Variants in PAX8 observed in about 807,000 individuals in gnomAD.
PAX8 encodes paired box protein Pax-8.
A neutral mutation model predicts 52.4 loss-of-function variants in PAX8; 15 were observed. That is an observed-to-expected ratio of 0.29 (90% CI 0.19 to 0.44). The LOEUF (loss-of-function observed/expected upper bound fraction) is 0.44, where lower values mean the gene tolerates loss of function less well. Ranked by LOEUF, PAX8 falls within the 20% of genes least tolerant of loss-of-function variation. The probability of loss-of-function intolerance (pLI) is 1.00; values close to 1 mark genes in which losing one functional copy is unlikely to be tolerated. For missense variants in PAX8, 554 were observed against 602.5 expected (o/e 0.92, Z 0.84); for synonymous variants, 284 against 249.7 (o/e 1.14, Z -1.29).
intron 2 of PAX8, among the ~76,000 whole-genome samples, chr2:113,251,655 G>A (rs564543931): frequency 1.1e-4 from 17 of 152,296 alleles, no homozygotes; most frequent in African/African-American, 2.9e-4. Context: ...TTTGAAAAGT[G>A]ACCATTCAGG....
intron 4 of PAX8, 60 bp from the exon 5 acceptor site, chr2:113,242,838 C>T: frequency 1.5e-6 from 2 of 1,349,754 alleles, no homozygotes; most frequent in East Asian, 2.3e-5. Context: ...CTCATGGCTG[C>T]CCCAGACCCA....
intron 10 of PAX8, among the ~76,000 whole-genome samples, chr2:113,224,557 A>AG (rs1297808774): frequency 6.6e-6 from 1 of 151,200 alleles, no homozygotes; most frequent in Non-Finnish European, 1.5e-5. Flanking sequence ...CAAAAAAAAA[A>AG]AAAAAAAAGG....
chr2:113,259,429 G>C (rs201996156), intron 2 of PAX8: 1 of 153,114 alleles, frequency 6.5e-6, no homozygotes, highest in Non-Finnish European at 1.5e-5. Flanking sequence ...TTTGAATCTC[G>C]TTGTCAAGTT....
intron 3 of PAX8, among the ~76,000 whole-genome samples, chr2:113,245,230 A>G (rs1691216528): frequency 6.6e-6 from 1 of 151,962 alleles, no homozygotes; most frequent in Non-Finnish European, 1.5e-5. Context: ...CATTTTTAGT[A>G]GAGACAGGTT....
intron 10 of PAX8, among the ~76,000 whole-genome samples, chr2:113,224,964 A>C (rs1689481138): frequency 6.6e-6 from 1 of 152,100 alleles, no homozygotes; most frequent in African/African-American, 2.4e-5. Context: ...TTGTGTCTTT[A>C]TTTCTGGTAT....
At chr2:113,262,983 TTA>T (rs1480040523) in intron 2 of PAX8, among the ~76,000 whole-genome samples, 2 of 152,230 alleles carry the variant, frequency 1.3e-5, no homozygotes, top group African/African-American at 4.8e-5. Flanking sequence ...CAACAGAGTT[TTA>T]GAGCTTTAGC....
intron 9 of PAX8, chr2:113,230,556 G>A (rs993241064): frequency 2.6e-5 from 4 of 152,158 alleles, no homozygotes; most frequent in Non-Finnish European, 4.4e-5. Flanking sequence ...CTTCTGAATC[G>A]GACATCAGAA....
At position 113,236,457 on chromosome 2, in the gene PAX8, G is replaced by A. The variant is rs1410214197; in HGVS notation, c.898+144C>T. The A allele has an allele frequency of 3.7e-6, 3 of 812,458 alleles. No individual in the cohort carries two copies. In the East Asian group the frequency reaches 8.2e-5, roughly 22 times the overall value. The allele number at this position is 812,458 out of a possible 1,614,324, so 50.3% of individuals were successfully genotyped here. ...TGAGGCCCGGCCTAGGACCGGAGGC[G>A]CGACCCCTGGGCCCACCTGGCGGCC... On this transcript the variant is annotated intron_variant, in intron 8 of 11. Coordinates refer to ENST00000429538, the MANE Select transcript of PAX8 (RefSeq NM_003466.4).
intron 2 of PAX8, chr2:113,269,271 A>G (rs1172044873): frequency 6.6e-6 from 1 of 152,188 alleles, no homozygotes; most frequent in African/African-American, 2.4e-5. Context: ...ACCGTCATGG[A>G]GCACACTGGC....
chr2:113,278,229 C>T (rs1693966847), intron 2 of PAX8, 141 bp downstream of exon 2: 1 of 649,192 alleles, frequency 1.5e-6, no homozygotes. Context: ...AGGGCCAGGC[C>T]CCAGGCGCCC....
chr2:113,246,224 A>G (rs1691311590), intron 3 of PAX8, among the ~76,000 whole-genome samples: 1 of 152,260 alleles, frequency 6.6e-6, no homozygotes, highest in East Asian at 1.9e-4. Context: ...GCCCTGGGGC[A>G]TAAACAGTAT....
rs187956730 is a variant in PAX8 at position 113,231,241 on chromosome 2, T to C, written c.1088-3985A>G. On this transcript the variant is annotated intron_variant, in intron 9 of 11. Coordinates refer to ENST00000429538, the MANE Select transcript of PAX8 (RefSeq NM_003466.4). ...AAGGATGGAGGAGGGGAATGGACTC[T>C]TTGATGATAAAACCTAACTCATGGC... 3.7e-4 allele frequency among the ~76,000 whole-genome samples: 56 copies of C among 152,356 alleles called. 1 individual carries two copies. Among genetic ancestry groups the C allele is most frequent in the African/African-American group, 1.3e-3 (53 of 41,578 alleles).
At position 113,241,770 on chromosome 2, in the gene PAX8, T is replaced by C. The variant is rs1424623092; in HGVS notation, c.602-44A>G. On this transcript the variant is annotated intron_variant, in intron 6 of 11. Coordinates refer to ENST00000429538, the MANE Select transcript of PAX8 (RefSeq NM_003466.4). ...GAAGAAAGCTTTTAGGGGACCTATC[T>C]ATTCATGCTCTAGGCCAAAGTAGAG... 3 of 1,603,036 alleles carry C rather than the reference T, an allele frequency of 1.9e-6. No individual in the cohort carries two copies. The East Asian group carries it at 6.7e-5, about 36-fold the overall frequency.
Position 113,217,846 on chromosome 2 carries a change from C to G in PAX8, c.*687G>C, listed in dbSNP as rs1689078593. ...AGGGGATGCCGCACTGCAGGAGGACCTGGGGTGGTGCTATACCTTCACAGC... is the reference window on the plus strand; with the variant it reads ...AGGGGATGCCGCACTGCAGGAGGACGTGGGGTGGTGCTATACCTTCACAGC... On this transcript the variant is annotated 3_prime_UTR_variant, in exon 12 of 12. Transcript: ENST00000429538. 4.3e-6 allele frequency: 1 copy of G among 233,276 alleles called. No homozygotes were observed. The highest frequency in any genetic ancestry group is 1.8e-4 in the South Asian group (1 of 5,542). The allele number at this position is 233,276 out of a possible 1,614,324, so 14.5% of individuals were successfully genotyped here.
intron 6 of PAX8, 33 bp from the exon 7 acceptor site, chr2:113,241,759 G>A (rs1200263045): frequency 2.0e-5 from 32 of 1,610,236 alleles, no homozygotes; most frequent in Non-Finnish European, 2.7e-5. Context: ...AAAGCTTTTA[G>A]GGGACCTATC....
chr2:113,243,409 G>C (rs1691039566), intron 4 of PAX8, among the ~76,000 whole-genome samples: 1 of 140,860 alleles, frequency 7.1e-6, no homozygotes, highest in African/African-American at 2.6e-5. Context: ...TTTTTTTTTT[G>C]AGATAGAGTC....
intron 7 of PAX8, 168 bp downstream of exon 7, chr2:113,241,383 G>T: frequency 1.4e-6 from 1 of 731,570 alleles, no homozygotes; most frequent in Non-Finnish European, 2.4e-6. Context: ...AGATGCCAGG[G>T]CATCTGGTAA....
chr2:113,278,801 C>T lies in PAX8; in HGVS notation c.-76+30G>A, dbSNP rs1028047885. 3.3e-5 allele frequency: 34 copies of T among 1,020,088 alleles called. No individual in the cohort carries two copies. In the African/African-American group the frequency reaches 5.5e-4, roughly 16 times the overall value. The allele number at this position is 1,020,088 out of a possible 1,614,324, so 63.2% of individuals were successfully genotyped here. A position where few individuals can be genotyped will look rare whatever the true frequency, so the allele number is the denominator to read the frequency against. On this transcript the variant is annotated intron_variant, in intron 1 of 11. Coordinates refer to ENST00000429538, the MANE Select transcript of PAX8 (RefSeq NM_003466.4). ...TCCATCCCCCGTCCTCACTGCTAGCCAGCTTCCAGCTAACCCCTGGGTGAC... is the reference window on the plus strand; with the variant it reads ...TCCATCCCCCGTCCTCACTGCTAGCTAGCTTCCAGCTAACCCCTGGGTGAC...
At chr2:113,222,223 C>T (rs1019051857) in intron 10 of PAX8, among the ~76,000 whole-genome samples, 3 of 152,150 alleles carry the variant, frequency 2.0e-5, no homozygotes, top group African/African-American at 7.2e-5. Context: ...GGGTTTCAGC[C>T]GATTCTCTAC....
Sources: allele counts gnomAD v4.1 joint callset (sites outside exome capture counted in the v4.1 genomes callset), GRCh38; gene constraint gnomAD v4.1.1; transcripts MANE v1.5; gene names NCBI Gene and HGNC (gene_info 2026-07-23, HGNC 2026-07-21).